LSAMP: variants seen among roughly 807,000 people sequenced by gnomAD.
The protein encoded by LSAMP is limbic system-associated membrane protein.
Under a neutral mutation model 38.6 loss-of-function variants are expected in LSAMP, and 7 were observed. The ratio of observed to expected loss-of-function variants is 0.18; its 90% CI spans 0.10 to 0.34. The LOEUF (loss-of-function observed/expected upper bound fraction) is 0.34. Ranked by LOEUF, LSAMP falls within the 10% of genes least tolerant of loss-of-function variation. The pLI is 1.00. For missense variants in LSAMP, 313 were observed against 420.0 expected, an observed-to-expected ratio of 0.75 and a Z score of 2.23; for synonymous variants, 154 against 166.8, an observed-to-expected ratio of 0.92 and a Z score of 0.59.
At chr3:115,957,171 C>T (rs1187549683) in intron 3 of LSAMP, among the ~76,000 whole-genome samples, 1 of 152,182 alleles carries the variant, frequency 6.6e-6, no homozygotes, top group Non-Finnish European at 1.5e-5. Flanking sequence ...AGAATCCTGG[C>T]ATTTTCATTT....
At chr3:116,330,561 AC>A (rs1435125540) in intron 1 of LSAMP, among the ~76,000 whole-genome samples, 4 of 151,854 alleles carry the variant, frequency 2.6e-5, no homozygotes, top group East Asian at 1.9e-4. Flanking sequence ...CCCCCCCACA[AC>A]CTTTTTATTT....
intron 3 of LSAMP, among the ~76,000 whole-genome samples, chr3:115,881,838 A>AC (rs1488758932): frequency 6.6e-6 from 1 of 152,114 alleles, no homozygotes; most frequent in East Asian, 1.9e-4. Context: ...TGCCTTAAAT[A>AC]CCCAGTCCAG....
chr3:116,065,478 G>A (rs1707405880), intron 2 of LSAMP, among the ~76,000 whole-genome samples: 1 of 152,098 alleles, frequency 6.6e-6, no homozygotes, highest in African/African-American at 2.4e-5. Context: ...CTGTACTAGA[G>A]GGCTATACTT....
intron 2 of LSAMP, among the ~76,000 whole-genome samples, chr3:116,040,128 T>C (rs896248878): frequency 2.0e-5 from 3 of 152,170 alleles, no homozygotes; most frequent in Non-Finnish European, 2.9e-5. Flanking sequence ...CTGTTATGTG[T>C]GGATAGTTTT....
At chr3:115,937,646 A>G (rs1937749442) in intron 3 of LSAMP, among the ~76,000 whole-genome samples, 1 of 33,072 alleles carries the variant, frequency 3.0e-5, no homozygotes, top group African/African-American at 3.9e-5. Context: ...TCTAAATAAG[A>G]AAAGAAAAAA....
At chr3:115,937,233 C>G (rs1187558243) in intron 3 of LSAMP, among the ~76,000 whole-genome samples, 1 of 152,162 alleles carries the variant, frequency 6.6e-6, no homozygotes, top group African/African-American at 2.4e-5. Context: ...CCATTAACAG[C>G]AGCACCTAGT....
chr3:115,820,022 C>CTT (rs34311842), intron 6 of LSAMP, among the ~76,000 whole-genome samples: 39 of 145,526 alleles, frequency 2.7e-4, no homozygotes, highest in African/African-American at 7.3e-4. Flanking sequence ...GAAATAAACA[C>CTT]TTTTTTTTTT....
At position 116,358,732 on chromosome 3, in the gene LSAMP, AT is replaced by A. The variant is rs200422345; in HGVS notation, c.155+86144del. Among the ~76,000 whole-genome samples, 1,384 of 152,316 alleles carry A rather than the reference AT, an allele frequency of 9.1e-3. 13 individuals carry two copies. The highest frequency in any genetic ancestry group is 0.014 in the Non-Finnish European group (985 of 68,000). On this transcript the variant is annotated intron_variant, in intron 1 of 6. Transcript: ENST00000490035. ...AAATGCTGACTGAATCATTTGTACC[AT>A]AAAGTACAAAAATGTGAGTCACTCA...
intron 3 of LSAMP, among the ~76,000 whole-genome samples, chr3:115,913,183 A>C (rs1043108908): frequency 6.6e-6 from 1 of 152,216 alleles, no homozygotes; most frequent in African/African-American, 2.4e-5. Flanking sequence ...TGCATCAATA[A>C]ATTACAGAAT....
intron 1 of LSAMP, among the ~76,000 whole-genome samples, chr3:116,381,311 A>G (rs1576178027): frequency 1.3e-5 from 2 of 152,126 alleles, no homozygotes; most frequent in South Asian, 4.1e-4. Context: ...ATTTGTGCAT[A>G]TACACGTATG....
chr3:115,902,760 A>T (rs763691247), intron 3 of LSAMP, among the ~76,000 whole-genome samples: 2 of 152,204 alleles, frequency 1.3e-5, no homozygotes, highest in Non-Finnish European at 2.9e-5. Context: ...ATCATTGGTC[A>T]TCAGAGAAAT....
chr3:115,940,780 G>A (rs1188142189), intron 3 of LSAMP, among the ~76,000 whole-genome samples: 2 of 152,128 alleles, frequency 1.3e-5, no homozygotes, highest in African/African-American at 2.4e-5. Context: ...CTGCTTTCAT[G>A]CCAGTATTAT....
At chr3:116,296,072 A>T (rs2107699697) in intron 1 of LSAMP, among the ~76,000 whole-genome samples, 1 of 152,362 alleles carries the variant, frequency 6.6e-6, no homozygotes, top group South Asian at 2.1e-4. Context: ...TAACCAATTC[A>T]TAGATGGAAA....
chr3:115,905,873 G>T (rs1936996690), intron 3 of LSAMP, among the ~76,000 whole-genome samples: 1 of 152,072 alleles, frequency 6.6e-6, no homozygotes, highest in African/African-American at 2.4e-5. Context: ...TTTTTGTGAG[G>T]GGTCTTGATA....
At chr3:115,913,034 C>T (rs951656814) in intron 3 of LSAMP, among the ~76,000 whole-genome samples, 2 of 152,138 alleles carry the variant, frequency 1.3e-5, no homozygotes, top group African/African-American at 4.8e-5. Flanking sequence ...ATTCCATCTC[C>T]TCAAAAGTGG....
At chr3:116,285,329 C>G (rs2047180874) in intron 1 of LSAMP, among the ~76,000 whole-genome samples, 1 of 152,096 alleles carries the variant, frequency 6.6e-6, no homozygotes, top group African/African-American at 2.4e-5. Flanking sequence ...TTCAGGAACC[C>G]CATCTCCCAC....
intron 3 of LSAMP, among the ~76,000 whole-genome samples, chr3:115,967,167 A>G (rs1381905565): frequency 6.6e-6 from 1 of 152,178 alleles, no homozygotes; most frequent in Non-Finnish European, 1.5e-5. Flanking sequence ...AACAGCACCC[A>G]AGTCACCTCT....
At chr3:116,396,101 A>C (rs144914066) in intron 1 of LSAMP, among the ~76,000 whole-genome samples, 1 of 152,350 alleles carries the variant, frequency 6.6e-6, no homozygotes, top group East Asian at 1.9e-4. Flanking sequence ...TGGAGGAAGT[A>C]CTAAAGGTGG....
chr3:116,069,154 G>A (rs768195576), intron 2 of LSAMP, among the ~76,000 whole-genome samples: 4 of 152,080 alleles, frequency 2.6e-5, no homozygotes, highest in African/African-American at 9.7e-5. Context: ...GACCCTAACA[G>A]GCCTGCAAGG....
Sources: allele counts gnomAD v4.1 joint callset (sites outside exome capture counted in the v4.1 genomes callset), GRCh38; gene constraint gnomAD v4.1.1; transcripts MANE v1.5; gene names NCBI Gene and HGNC (gene_info 2026-07-23, HGNC 2026-07-21).